Variants in MFN2 observed in about 807,000 individuals in gnomAD.
MFN2 encodes the protein mitofusin 2, also known as mitofusin-2.
MFN2 carries 43 observed loss-of-function variants against 87.5 expected under a neutral mutation model. The ratio of observed to expected loss-of-function variants is 0.49; its 90% confidence interval spans 0.38 to 0.63. The LOEUF is 0.63. Among genes scored for constraint, MFN2 ranks in the 30% least tolerant of loss-of-function variants. MFN2 has a pLI of 0.00. For missense variants in MFN2, 743 were observed against 972.8 expected (o/e 0.76, Z 3.14); for synonymous variants, 337 against 359.9 (o/e 0.94, Z 0.72).
intron 11 of MFN2, among the ~76,000 whole-genome samples, chr1:12,002,744 GT>G (rs1287600932): frequency 1.3e-5 from 2 of 152,156 alleles, no homozygotes; most frequent in Non-Finnish European, 2.9e-5. Flanking sequence ...TTTCTCAGTT[GT>G]TTATGTTAAG....
chr1:11,996,283 C>A lies in MFN2; in HGVS notation c.439C>A (p.Leu147Ile). Residue 147 changes from leucine (L) to isoleucine (I), a missense_variant, in exon 5 of 19, where the codon CTT (leucine) becomes ATT (isoleucine). By Grantham distance (5) the Leu-to-Ile change is conservative. Coordinates refer to ENST00000235329, the MANE Select transcript of MFN2 (RefSeq NM_014874.4). ...CACAGATGGCCATGAGGCCTTTCTC[C>A]TTACCGAGGGCTCAGAGGAAAAGAG... ...EGTDGHEAFL[L>I]TEGSEEKRSA... 6.2e-7 allele frequency: 1 copy of A among 1,614,168 alleles called. No individual in the cohort carries two copies. The highest frequency in any genetic ancestry group is 1.1e-5 in the South Asian group (1 of 91,084).
At position 12,004,583 on chromosome 1, in the gene MFN2, T is replaced by C; in HGVS notation, c.1362T>C (p.Pro454=). 1 of 1,614,156 alleles carries C rather than the reference T, an allele frequency of 6.2e-7. No individual in the cohort carries two copies. The highest frequency in any genetic ancestry group is 1.7e-5 in the Admixed American group (1 of 60,012). Reference sequence around the variant, plus strand: ...ACGATTACCAGATGGACTTCCACCCTTCTCCAGTAGTCCTCAAGGTTTATA... The same window carrying C: ...ACGATTACCAGATGGACTTCCACCCCTCTCCAGTAGTCCTCAAGGTTTATA... The part of the protein sequence containing the change: ...LVDDYQMDFH[P]SPVVLKVYKN... Residue 454 remains proline (P), a synonymous_variant, in exon 13 of 19, where the codon CCT becomes CCC. Coordinates refer to ENST00000235329, the MANE Select transcript of MFN2 (RefSeq NM_014874.4). The surrounding 1 kb of genome is among the most constrained non-coding windows in gnomAD (Gnocchi z 4.2).
In MFN2 at chr1:11,997,433, G is replaced by C. The variant is rs1259807037; in HGVS notation, c.599+12G>C. The C allele has an allele frequency of 1.2e-6, 2 of 1,613,284 alleles. No individual in the cohort carries two copies. Among genetic ancestry groups the C allele is most frequent in the African/African-American group, 2.7e-5 (2 of 74,872 alleles). ...GTTTTGATGGACAGGTAAGAGGGAGGTGCCCTCCTAGGAGGTCCAAACTGG... is the reference window on the plus strand; with the variant it reads ...GTTTTGATGGACAGGTAAGAGGGAGCTGCCCTCCTAGGAGGTCCAAACTGG... On this transcript the variant is annotated intron_variant, in intron 6 of 18. Coordinates refer to ENST00000235329, the MANE Select transcript of MFN2 (RefSeq NM_014874.4).
Position 11,982,013 on chromosome 1 carries a change from A to G in MFN2, c.-106A>G, listed in dbSNP as rs1167017372. The G allele has an allele frequency of 4.0e-5, 6 of 149,930 alleles. No individual in the cohort carries two copies. In the East Asian group the frequency reaches 1.2e-3, roughly 30 times the overall value. 9.3% of individuals were successfully genotyped at this position (149,930 alleles called of 1,614,324 possible). A position where few individuals can be genotyped will look rare whatever the true frequency, so the allele number is the denominator to read the frequency against. ...ACACAGTCAATCAATAGCCAACCTC[A>G]ACCTGAGACAGGACAGAAGAGAACT... is the stretch of plus-strand genomic sequence containing the variant. On this transcript the variant is annotated 5_prime_UTR_variant, in exon 2 of 19. Coordinates refer to ENST00000235329, the MANE Select transcript of MFN2 (RefSeq NM_014874.4).
chr1:11,996,439 A>G lies in MFN2; in HGVS notation c.474+121A>G, dbSNP rs142164995. 1.6e-4 allele frequency: 190 copies of G among 1,192,352 alleles called. No homozygotes were observed. In the African/African-American group the frequency reaches 2.6e-3, roughly 16 times the overall value. The allele number at this position is 1,192,352 out of a possible 1,614,324, so 73.9% of individuals were successfully genotyped here. On this transcript the variant is annotated intron_variant, in intron 5 of 18. Coordinates refer to ENST00000235329, the MANE Select transcript of MFN2 (RefSeq NM_014874.4). Reference sequence around the variant, plus strand: ...ACCACCCTGTGGAGGTGAATGGGAGACCCTATTTTAGATGAACTTTTTGAA... The same window carrying G: ...ACCACCCTGTGGAGGTGAATGGGAGGCCCTATTTTAGATGAACTTTTTGAA...
chr1:12,005,889 C>T lies in MFN2; in HGVS notation c.1674C>T (p.Gly558=), dbSNP rs1273399616. Residue 558 remains glycine, a synonymous_variant, in exon 15 of 19, where the codon GGC becomes GGT. Coordinates refer to ENST00000235329, the MANE Select transcript of MFN2 (RefSeq NM_014874.4). ...CCATGCTGGTGAATAGGTTCCTGGG[C>T]CCCAAGAACAGCCGTCGGGCCTTGA... ...GWTMLVNRFL[G]PKNSRRALMG... The T allele has an allele frequency of 1.9e-6, 3 of 1,614,128 alleles. No individual in the cohort carries two copies. In the South Asian group the frequency reaches 3.3e-5, roughly 18 times the overall value.
chr1:12,004,176 G>A lies in MFN2; in HGVS notation c.1287+58G>A. ...TTTGGACTCCGAGTAGAGTCCAGAA[G>A]AAAGCAGACCTCCTCCTCTTAGGGA... On this transcript the variant is annotated intron_variant, in intron 12 of 18. Transcript: ENST00000235329. This position sits in a 1 kb window ranked among gnomAD's most constrained non-coding sequence, Gnocchi z 4.2. 1 of 1,607,996 alleles carries A rather than the reference G, an allele frequency of 6.2e-7. No individual in the cohort carries two copies. The highest frequency in any genetic ancestry group is 2.2e-5 in the East Asian group (1 of 44,852).
chr1:11,992,667 C>G lies in MFN2; in HGVS notation c.288C>G (p.His96Gln), dbSNP rs779756767. 3 of 1,614,196 alleles carry G rather than the reference C, an allele frequency of 1.9e-6. No individual in the cohort carries two copies. Among genetic ancestry groups the G allele is most frequent in the Non-Finnish European group, 2.5e-6 (3 of 1,180,038 alleles). ...RGISEVLARR[H>Q]MKVAFFGRTS... ...TCAGTGAGGTGCTGGCTCGGAGGCACATGAAAGTGGCTTTTTTTGGCCGGT... is the reference window on the plus strand; with the variant it reads ...TCAGTGAGGTGCTGGCTCGGAGGCAGATGAAAGTGGCTTTTTTTGGCCGGT... Residue 96 changes from histidine to glutamine, a missense_variant, in exon 4 of 19, where the codon CAC becomes CAG. Coordinates refer to ENST00000235329, the MANE Select transcript of MFN2 (RefSeq NM_014874.4).
rs755575773 is a variant in MFN2, at chr1:11,989,315, C to T, written c.147C>T (p.Tyr49=). ...INGIFEQLGA[Y]IQESATFLED... ...GCATTTTTGAGCAGCTGGGGGCCTA[C>T]ATCCAGGAGAGCGCCACCTTCCTTG... Residue 49 remains tyrosine (Y), a synonymous_variant, in exon 3 of 19, where the codon TAC becomes TAT. Transcript: ENST00000235329. 12 of 1,614,074 alleles carry T rather than the reference C, an allele frequency of 7.4e-6. No individual in the cohort carries two copies. The highest frequency in any genetic ancestry group is 1.6e-4 in the Middle Eastern group (1 of 6,062).
At chr1:11,985,279 T>C (rs1161450552) in intron 2 of MFN2, among the ~76,000 whole-genome samples, 1 of 152,048 alleles carries the variant, frequency 6.6e-6, no homozygotes, top group Non-Finnish European at 1.5e-5. Context: ...TGAGACAGTT[T>C]CTCTCTCCAG....
chr1:11,990,167 C>T (rs1009826373), intron 3 of MFN2, among the ~76,000 whole-genome samples: 1 of 152,166 alleles, frequency 6.6e-6, no homozygotes, highest in Non-Finnish European at 1.5e-5. Context: ...CACCTTCTTT[C>T]CATTCTGCTT....
chr1:11,995,642 T>TG (rs1557521367), intron 4 of MFN2, among the ~76,000 whole-genome samples: 1 of 141,518 alleles, frequency 7.1e-6, no homozygotes, highest in East Asian at 2.0e-4. Context: ...CAAATAACAA[T>TG]AAAAAAAAAA....
At chr1:11,987,439 G>T (rs1028212386) in intron 2 of MFN2, among the ~76,000 whole-genome samples, 1 of 151,766 alleles carries the variant, frequency 6.6e-6, no homozygotes, top group African/African-American at 2.4e-5. Flanking sequence ...AGACCTACCT[G>T]GCCAACATGG....
At position 12,001,015 on chromosome 1, in the gene MFN2, A is replaced by G. The variant is rs538012064; in HGVS notation, c.817-386A>G. Reference sequence around the variant, plus strand: ...TGCCTTTGGCTGTTGAGCCATGTGAATATATTGCCTATTCTTTTTTTTCCC... The same window carrying G: ...TGCCTTTGGCTGTTGAGCCATGTGAGTATATTGCCTATTCTTTTTTTTCCC... On this transcript the variant is annotated intron_variant, in intron 8 of 18. Transcript: ENST00000235329. Among the ~76,000 whole-genome samples, 6 of 152,182 alleles carry G rather than the reference A, an allele frequency of 3.9e-5. No homozygotes were observed. In the South Asian group the frequency reaches 1.2e-3, roughly 32 times the overall value.
In MFN2 at chr1:12,013,101, G is replaced by C. The variant is rs1344071943; in HGVS notation, c.*1536G>C. On this transcript the variant is annotated 3_prime_UTR_variant, in exon 19 of 19. Transcript: ENST00000235329. ...GGACATGCTGTGGGTGGATGTTCCCGGCGTGTGCCGGGCCTGAATGGACAG... is the reference window on the plus strand; with the variant it reads ...GGACATGCTGTGGGTGGATGTTCCCCGCGTGTGCCGGGCCTGAATGGACAG... The C allele has an allele frequency of 2.9e-6, 1 of 342,974 alleles. No homozygotes were observed. The highest frequency in any genetic ancestry group is 5.7e-6 in the Non-Finnish European group (1 of 175,678). The allele number at this position is 342,974 out of a possible 1,614,324, so 21.2% of individuals were successfully genotyped here. A position where few individuals can be genotyped will look rare whatever the true frequency, so the allele number is the denominator to read the frequency against.
rs1040702840 is a variant in MFN2, at chr1:12,007,118, C to T, written c.1938C>T (p.Val646=). 1 of 1,614,110 alleles carries T rather than the reference C, an allele frequency of 6.2e-7. No homozygotes were observed. The highest frequency in any genetic ancestry group is 8.5e-7 in the Non-Finnish European group (1 of 1,180,056). Reference sequence around the variant, plus strand: ...TTGGGCTCTATGGCCTCCTCTACGTCTATGAGCGTCTGACCTGGACCACCA... The same window carrying T: ...TTGGGCTCTATGGCCTCCTCTACGTTTATGAGCGTCTGACCTGGACCACCA... The part of the protein sequence containing the change: ...LSFGLYGLLY[V]YERLTWTTKA... The change falls in exon 17 of 19, where the codon GTC becomes GTT. Residue 646 remains valine (V), a synonymous_variant. Coordinates refer to ENST00000235329, the MANE Select transcript of MFN2 (RefSeq NM_014874.4).
chr1:11,986,959 G>A (rs1638436301), intron 2 of MFN2, among the ~76,000 whole-genome samples: 1 of 152,136 alleles, frequency 6.6e-6, no homozygotes, highest in South Asian at 2.1e-4. Context: ...GAAAAGATAA[G>A]CTACAAAGAT....
chr1:11,998,041 G>A (rs1282049655), intron 6 of MFN2, among the ~76,000 whole-genome samples: 3 of 151,194 alleles, frequency 2.0e-5, no homozygotes, highest in East Asian at 2.0e-4. Context: ...CCGCCACCAT[G>A]CCTGGCTAAA....
intron 8 of MFN2, 136 bp downstream of exon 8, chr1:11,999,231 C>T (rs1639067220): frequency 3.9e-6 from 3 of 777,370 alleles, no homozygotes. Flanking sequence ...TCCAAATACT[C>T]TTCTGTGGTA....
Sources: allele counts gnomAD v4.1 joint callset (sites outside exome capture counted in the v4.1 genomes callset), GRCh38; gene constraint gnomAD v4.1.1; non-coding constraint Gnocchi (gnomAD v3.1); transcripts MANE v1.5; gene names NCBI Gene and HGNC (gene_info 2026-07-23, HGNC 2026-07-21).